KLRG1: variants seen among roughly 807,000 people sequenced by gnomAD.
The protein encoded by KLRG1 is killer cell lectin-like receptor subfamily G member 1.
Under a neutral mutation model 21.8 loss-of-function variants are expected in KLRG1, and 16 were observed. The observed-to-expected ratio is 0.73, with a 90% CI of 0.50 to 1.11. KLRG1 has a LOEUF of 1.11. KLRG1 is among the 50% of genes most tolerant of loss of function. The pLI is 0.00. For synonymous variants in KLRG1, 69 were observed against 75.9 expected (o/e 0.91, Z 0.47); for missense variants, 173 against 218.3 (o/e 0.79, Z 1.31).
chr12:9,145,801 G>C, the KLRG1 span, among the ~76,000 whole-genome samples: 1 of 152,088 alleles, frequency 6.6e-6, no homozygotes, highest in East Asian at 1.9e-4. Flanking sequence ...TTGATGGACA[G>C]GTTTCCCAGG....
chr12:9,152,357 A>AAG, the KLRG1 span: 1 of 1,425,878 alleles, frequency 7.0e-7, no homozygotes, highest in Non-Finnish European at 9.9e-7. Context: ...ACGTGAAAGA[A>AAG]AGCCAAATTT....
chr12:8,984,026 A>T (rs1121401), intron 1 of KLRG1, among the ~76,000 whole-genome samples: 121,446 of 151,952 alleles, frequency 0.8, 48,921 homozygotes, highest in Admixed American at 0.84. Context: ...TTGGGGGACT[A>T]CAGTTTCACT....
intron 1 of KLRG1, among the ~76,000 whole-genome samples, chr12:8,960,317 AAG>A (rs773266116): frequency 1.1e-4 from 17 of 152,202 alleles, no homozygotes; most frequent in Non-Finnish European, 1.8e-4. Flanking sequence ...TACCAGAGAA[AAG>A]AGAGATGCGC....
chr12:9,196,616 C>T, the KLRG1 span: 1 of 1,613,806 alleles, frequency 6.2e-7, no homozygotes. Flanking sequence ...AGCTTCATTT[C>T]AAAGCCCGTA....
At chr12:9,120,852 C>CAT in the KLRG1 span, among the ~76,000 whole-genome samples, 24,925 of 143,424 alleles carry the variant, frequency 0.17, 2,370 homozygotes, top group Non-Finnish European at 0.22. Flanking sequence ...ATCCCACTAA[C>CAT]GTGTGTGTGT....
chr12:9,039,473 T>A, the KLRG1 span, among the ~76,000 whole-genome samples: 1 of 152,130 alleles, frequency 6.6e-6, no homozygotes, highest in Non-Finnish European at 1.5e-5. Context: ...TTAAAAAACT[T>A]TTTTTTCTGT....
the KLRG1 span, among the ~76,000 whole-genome samples, chr12:9,130,331 T>C: frequency 2.0e-5 from 3 of 152,194 alleles, no homozygotes; most frequent in Admixed American, 1.3e-4. Flanking sequence ...AATTCCTGGA[T>C]CATATGGTAG....
chr12:9,152,973 A>G, the KLRG1 span: 1 of 1,614,004 alleles, frequency 6.2e-7, no homozygotes, highest in Non-Finnish European at 8.5e-7. Context: ...CAAAGACACT[A>G]TCAGTTTCTC....
At chr12:9,083,392 A>C in the KLRG1 span, among the ~76,000 whole-genome samples, 1 of 152,136 alleles carries the variant, frequency 6.6e-6, no homozygotes, top group Non-Finnish European at 1.5e-5. Context: ...AGTATAAAAA[A>C]AAAAGAAATA....
At chr12:9,169,315 G>T in the KLRG1 span, 1 of 1,054,354 alleles carries the variant, frequency 9.5e-7, no homozygotes, top group Non-Finnish European at 1.3e-6. Context: ...ATTTTTGTCT[G>T]CTGAAAAATG....
the KLRG1 span, among the ~76,000 whole-genome samples, chr12:9,193,506 T>A: frequency 2.0e-5 from 3 of 152,006 alleles, no homozygotes; most frequent in African/African-American, 4.8e-5. Context: ...CTAGGGAGAG[T>A]GAGTGTCTAT....
chr12:9,029,637 A>G, the KLRG1 span, among the ~76,000 whole-genome samples: 1 of 152,186 alleles, frequency 6.6e-6, no homozygotes, highest in South Asian at 2.1e-4. Context: ...TAAGTTTAAT[A>G]AAGTCAAAAC....
chr12:9,110,353 A>C, the KLRG1 span: 16 of 1,386,384 alleles, frequency 1.2e-5, no homozygotes, highest in Middle Eastern at 1.8e-4. Flanking sequence ...CAAAAGAAAA[A>C]AGAAGTTTAT....
intron 1 of KLRG1, among the ~76,000 whole-genome samples, chr12:8,958,960 G>T (rs907994925): frequency 2.6e-5 from 4 of 152,210 alleles, no homozygotes; most frequent in Non-Finnish European, 4.4e-5. Flanking sequence ...TATAATTCAT[G>T]AATATGAAAC....
the KLRG1 span, among the ~76,000 whole-genome samples, chr12:9,062,521 A>G: frequency 6.8e-6 from 1 of 147,438 alleles, no homozygotes; most frequent in South Asian, 2.1e-4. Flanking sequence ...CAATAGATGG[A>G]TAATATATCT....
chr12:8,985,650 T>C (rs1213299530), upstream of KLRG1, among the ~76,000 whole-genome samples: 1 of 152,168 alleles, frequency 6.6e-6, no homozygotes, highest in African/African-American at 2.4e-5. Flanking sequence ...AACCCTTATG[T>C]TTATCAGTTT....
At chr12:9,192,361 A>G in the KLRG1 span, 1 of 1,314,674 alleles carries the variant, frequency 7.6e-7, no homozygotes, top group Non-Finnish European at 1.1e-6. Flanking sequence ...TGCTGGAGAG[A>G]ATCAACCTCA....
chr12:9,080,574 A>G, the KLRG1 span, among the ~76,000 whole-genome samples: 4 of 152,234 alleles, frequency 2.6e-5, no homozygotes, highest in Non-Finnish European at 4.4e-5. Flanking sequence ...ACAAAGCCCT[A>G]TAAGTATACA....
intron 1 of KLRG1, among the ~76,000 whole-genome samples, chr12:8,962,130 G>C (rs1946392070): frequency 6.6e-6 from 1 of 151,560 alleles, no homozygotes; most frequent in South Asian, 2.1e-4. Context: ...CTATAACAAG[G>C]AGAAAAAAAA....
Sources: allele counts gnomAD v4.1 joint callset (sites outside exome capture counted in the v4.1 genomes callset), GRCh38; gene constraint gnomAD v4.1.1; transcripts MANE v1.5; gene names NCBI Gene and HGNC (gene_info 2026-07-23, HGNC 2026-07-21).